The following RAD51B variants were observed in gnomAD, a reference collection of about 807,000 sequenced individuals.
The protein encoded by RAD51B is RAD51 paralog B, also known as DNA repair protein RAD51 homolog 2.
A neutral mutation model predicts 42.2 loss-of-function variants in RAD51B; 38 were observed. The observed-to-expected ratio is 0.90, with a 90% CI of 0.70 to 1.18. The LOEUF (loss-of-function observed/expected upper bound fraction) is 1.18, where lower values mean the gene tolerates loss of function less well. Ranked by LOEUF, RAD51B falls within the 50% of genes most tolerant of loss-of-function variation. RAD51B has a pLI of 0.00. For synonymous variants in RAD51B, 154 were observed against 145.2 expected, an observed-to-expected ratio of 1.06 and a Z score of -0.43; for missense variants, 373 against 400.7, an observed-to-expected ratio of 0.93 and a Z score of 0.59.
At position 68,460,902 on chromosome 14, in the gene RAD51B, G is replaced by T. The variant is rs114403672; in HGVS notation, c.958-7270G>T. Among the ~76,000 whole-genome samples the T allele has an allele frequency of 5.0e-3, 759 of 152,264 alleles. 5 individuals carry two copies. Among genetic ancestry groups the T allele is most frequent in the African/African-American group, 0.017 (720 of 41,534 alleles). On this transcript the variant is annotated intron_variant, in intron 9 of 10. Transcript: ENST00000471583. ...AGGGAACCAGATAAGTCCTAAAAAT[G>T]GATATGAATCAGTAGAGCTTCTGTG...
intron 10 of RAD51B, among the ~76,000 whole-genome samples, chr14:68,547,413 C>T (rs1442198971): frequency 2.0e-5 from 3 of 152,188 alleles, no homozygotes. Context: ...AGTCACTGAA[C>T]ATTTTGGGGA....
intron 10 of RAD51B, among the ~76,000 whole-genome samples, chr14:68,605,368 A>G (rs1016377719): frequency 1.3e-5 from 2 of 152,270 alleles, no homozygotes; most frequent in Non-Finnish European, 2.9e-5. Context: ...CTCATCGCAG[A>G]TGGAACAATG....
intron 7 of RAD51B, among the ~76,000 whole-genome samples, chr14:68,090,749 G>C (rs1410994494): frequency 6.6e-6 from 1 of 150,480 alleles, no homozygotes; most frequent in Non-Finnish European, 1.5e-5. Flanking sequence ...TGTGCACAAC[G>C]TGCAGGTTTG....
chr14:68,073,691 G>C (rs1427200232), intron 7 of RAD51B, among the ~76,000 whole-genome samples: 1 of 152,088 alleles, frequency 6.6e-6, no homozygotes, highest in East Asian at 1.9e-4. Flanking sequence ...CTCCCTTAAA[G>C]ATGCAAGGAC....
chr14:68,244,959 A>C (rs1314918), intron 7 of RAD51B, among the ~76,000 whole-genome samples: 21 of 152,240 alleles, frequency 1.4e-4, no homozygotes, highest in African/African-American at 5.1e-4. Context: ...GATGAATGGC[A>C]TGGTAGAAAA....
chr14:68,575,215 G>T (rs1417614628), intron 10 of RAD51B, among the ~76,000 whole-genome samples: 1 of 152,202 alleles, frequency 6.6e-6, no homozygotes, highest in East Asian at 1.9e-4. Flanking sequence ...AATCCTAGAG[G>T]ATATGGAGTT....
intron 7 of RAD51B, among the ~76,000 whole-genome samples, chr14:67,905,241 T>C (rs369405744): frequency 6.6e-6 from 1 of 152,070 alleles, no homozygotes; most frequent in East Asian, 1.9e-4. Flanking sequence ...GGTATGTGGC[T>C]TTATTTCTGG....
intron 7 of RAD51B, among the ~76,000 whole-genome samples, chr14:68,044,445 A>G (rs575660899): frequency 1.2e-4 from 18 of 152,118 alleles, no homozygotes; most frequent in Non-Finnish European, 2.2e-4. Context: ...AAAAGTCAAA[A>G]CACAAGATGT....
chr14:68,545,411 G>A (rs142892966), intron 10 of RAD51B, among the ~76,000 whole-genome samples: 1 of 152,214 alleles, frequency 6.6e-6, no homozygotes, highest in Non-Finnish European at 1.5e-5. Flanking sequence ...CCTTGCTTCA[G>A]GCTCTTCACA....
At chr14:68,405,337 G>A (rs547525211) in intron 8 of RAD51B, among the ~76,000 whole-genome samples, 155 of 152,240 alleles carry the variant, frequency 1.0e-3, no homozygotes, top group African/African-American at 3.5e-3. Context: ...CCAGCTACTC[G>A]GTAGGCTGAG....
intron 7 of RAD51B, among the ~76,000 whole-genome samples, chr14:67,912,332 G>A (rs1475215554): frequency 6.6e-6 from 1 of 152,136 alleles, no homozygotes; most frequent in East Asian, 1.9e-4. Flanking sequence ...CATTGATTTT[G>A]TTATTGTTGT....
At chr14:68,534,392 G>A (rs1887487385) in intron 10 of RAD51B, among the ~76,000 whole-genome samples, 1 of 152,206 alleles carries the variant, frequency 6.6e-6, no homozygotes, top group Non-Finnish European at 1.5e-5. Context: ...AATTCAGTGG[G>A]AGAAGGGTTA....
At chr14:68,504,191 G>A (rs1885119414) in intron 10 of RAD51B, among the ~76,000 whole-genome samples, 3 of 152,038 alleles carry the variant, frequency 2.0e-5, no homozygotes, top group Admixed American at 6.6e-5. Context: ...TGACTCTCCA[G>A]GCCAGCATCC....
At chr14:68,367,113 GA>G (rs1257209432) in intron 8 of RAD51B, among the ~76,000 whole-genome samples, 2 of 152,188 alleles carry the variant, frequency 1.3e-5, no homozygotes, top group Non-Finnish European at 2.9e-5. Context: ...TGCAGGAAGG[GA>G]CTACAGACTA....
intron 4 of RAD51B, among the ~76,000 whole-genome samples, chr14:67,859,924 G>A (rs1566928217): frequency 1.3e-5 from 2 of 152,020 alleles, no homozygotes; most frequent in African/African-American, 4.8e-5. Flanking sequence ...AGGTTCGTGC[G>A]ATTCTCCTGT....
rs57155140 is a variant in RAD51B, at chr14:68,669,115, G to A, written c.*11+18259G>A. Among the ~76,000 whole-genome samples the A allele has an allele frequency of 4.2e-3, 637 of 152,322 alleles. 3 individuals carry two copies. Among genetic ancestry groups the A allele is most frequent in the African/African-American group, 0.015 (618 of 41,570 alleles). ...ACGGAGAGCCTACCAGGCCTGCCAC[G>A]TGGCATGACCCATGGATGTGGGTGG... On this transcript the variant is annotated intron_variant, in intron 11 of 11. Coordinates refer to the RAD51B transcript ENST00000488612.
At chr14:67,829,141 G>C (rs897166793) in intron 3 of RAD51B, among the ~76,000 whole-genome samples, 1 of 152,038 alleles carries the variant, frequency 6.6e-6, no homozygotes, top group African/African-American at 2.4e-5. Flanking sequence ...CCATTTGTTT[G>C]TGTCCTCTCT....
intron 8 of RAD51B, among the ~76,000 whole-genome samples, chr14:68,300,012 C>G (rs958162457): frequency 1.3e-5 from 2 of 152,130 alleles, no homozygotes; most frequent in Non-Finnish European, 2.9e-5. Context: ...GCCAGTACAC[C>G]TATCCTTTCA....
At chr14:68,120,322 A>G (rs2077626286) in intron 7 of RAD51B, among the ~76,000 whole-genome samples, 1 of 152,080 alleles carries the variant, frequency 6.6e-6, no homozygotes, top group Non-Finnish European at 1.5e-5. Context: ...TCTTTAGTTT[A>G]ATTAGATCCC....
Sources: allele counts gnomAD v4.1 joint callset (sites outside exome capture counted in the v4.1 genomes callset), GRCh38; gene constraint gnomAD v4.1.1; transcripts MANE v1.5; gene names NCBI Gene and HGNC (gene_info 2026-07-23, HGNC 2026-07-21).